The following ABHD13 variants were observed in gnomAD, a reference collection of about 807,000 sequenced individuals.
ABHD13 encodes protein ABHD13.
Under a neutral mutation model 25.2 loss-of-function variants are expected in ABHD13, and 7 were observed. The ratio of observed to expected loss-of-function variants is 0.28; its 90% confidence interval spans 0.16 to 0.52. The LOEUF (loss-of-function observed/expected upper bound fraction) is 0.52, where lower values mean the gene tolerates loss of function less well. ABHD13 is among the 20% of genes least tolerant of loss of function. ABHD13 has a pLI of 0.96. For missense variants in ABHD13, 302 were observed against 402.7 expected, an observed-to-expected ratio of 0.75 and a Z score of 2.14; for synonymous variants, 133 against 136.1, an observed-to-expected ratio of 0.98 and a Z score of 0.16.
rs1879792775 is a variant in ABHD13 at position 108,231,042 on chromosome 13, A to G, written c.*810A>G. ...ATTTGTAACTTTGGTGGCAAAGAGA[A>G]TTTTAGCTTCTATCGATTTTGTAAG... On this transcript the variant is annotated 3_prime_UTR_variant, in exon 2 of 2. Transcript: ENST00000375898. The G allele has an allele frequency of 6.0e-6, 1 of 166,790 alleles. No individual in the cohort carries two copies. Among genetic ancestry groups the G allele is most frequent in the Admixed American group, 6.6e-5 (1 of 15,222 alleles). 10.3% of individuals were successfully genotyped at this position (166,790 alleles called of 1,614,324 possible).
chr13:108,228,597 T>A lies in ABHD13; in HGVS notation c.-20-602T>A, dbSNP rs117403188. 7.4e-4 allele frequency among the ~76,000 whole-genome samples: 112 copies of A among 152,008 alleles called. 1 individual carries two copies. In the East Asian group the frequency reaches 0.021, roughly 29 times the overall value. On this transcript the variant is annotated intron_variant, in intron 1 of 1. Coordinates refer to ENST00000375898, the MANE Select transcript of ABHD13 (RefSeq NM_032859.3). ...TTATTCTTTCTTTCCCTAGTTGTTT[T>A]TTTTTGTTTTATTTTGTTTTGCCCA...
chr13:108,224,765 C>CT (rs1332956963), intron 1 of ABHD13, among the ~76,000 whole-genome samples: 2 of 152,106 alleles, frequency 1.3e-5, no homozygotes, highest in African/African-American at 4.8e-5. Context: ...GTAGGGAGCA[C>CT]TAGAGGTGAC....
At chr13:108,228,276 T>G (rs187300021) in intron 1 of ABHD13, among the ~76,000 whole-genome samples, 475 of 151,796 alleles carry the variant, frequency 3.1e-3, no homozygotes, top group African/African-American at 0.011. Context: ...TTTACTTTAT[T>G]TATCTCTGTT....
intron 1 of ABHD13, among the ~76,000 whole-genome samples, chr13:108,227,372 A>G (rs571612837): frequency 8.5e-5 from 13 of 152,234 alleles, no homozygotes; most frequent in Admixed American, 5.9e-4. Flanking sequence ...TAGAGATGCA[A>G]TAGTGAAAAA....
intron 1 of ABHD13, among the ~76,000 whole-genome samples, chr13:108,226,613 C>G (rs1879677728): frequency 6.6e-6 from 1 of 152,082 alleles, no homozygotes; most frequent in Non-Finnish European, 1.5e-5. Context: ...TTGACAAAAT[C>G]AATAGAAAAC....
chr13:108,229,950 A>G lies in ABHD13; in HGVS notation c.732A>G (p.Lys244=). Residue 244 remains lysine (K), a synonymous_variant, in exon 2 of 2, where the codon AAA becomes AAG. Transcript: ENST00000375898. This position sits in a 1 kb window ranked among gnomAD's most constrained non-coding sequence, Gnocchi z 4.7. ...PMRYLPLWCY[K]NKFLSYRKIS... ...GTTACCTTCCTTTATGGTGCTACAAAAATAAATTTTTGTCCTACAGAAAAA... is the reference window on the plus strand; with the variant it reads ...GTTACCTTCCTTTATGGTGCTACAAGAATAAATTTTTGTCCTACAGAAAAA... 6.2e-7 allele frequency: 1 copy of G among 1,613,272 alleles called. No individual in the cohort carries two copies. Among genetic ancestry groups the G allele is most frequent in the Non-Finnish European group, 8.5e-7 (1 of 1,179,452 alleles).
chr13:108,226,432 A>G (rs1475586940), intron 1 of ABHD13, among the ~76,000 whole-genome samples: 7 of 152,184 alleles, frequency 4.6e-5, no homozygotes, highest in Non-Finnish European at 1.0e-4. Context: ...CTCTCAGTCC[A>G]GATGTAGCTC....
chr13:108,232,064 A>C lies in ABHD13; in HGVS notation c.*1832A>C, dbSNP rs1879816732. The stretch of plus-strand genomic sequence containing the variant: ...ACAACAAAATGTATATTTAGACACG[A>C]GCTTACATGGCATACCTTATATTTG... On this transcript the variant is annotated 3_prime_UTR_variant, in exon 2 of 2. Transcript: ENST00000375898. 2 of 166,546 alleles carry C rather than the reference A, an allele frequency of 1.2e-5. No homozygotes were observed. 10.3% of individuals were successfully genotyped at this position (166,546 alleles called of 1,614,324 possible).
Position 108,230,913 on chromosome 13 carries a change from C to G in ABHD13, c.*681C>G, listed in dbSNP as rs1879790088. On this transcript the variant is annotated 3_prime_UTR_variant, in exon 2 of 2. Transcript: ENST00000375898. ...ATAAATGGGACCCTGTTTTCCAATACAAATGTACCGTGTTTTTGTTAGGTA... is the reference window on the plus strand; with the variant it reads ...ATAAATGGGACCCTGTTTTCCAATAGAAATGTACCGTGTTTTTGTTAGGTA... 6.0e-6 allele frequency: 1 copy of G among 166,824 alleles called. No homozygotes were observed. Among genetic ancestry groups the G allele is most frequent in the Admixed American group, 6.6e-5 (1 of 15,232 alleles). 10.3% of individuals were successfully genotyped at this position (166,824 alleles called of 1,614,324 possible). A position where few individuals can be genotyped will look rare whatever the true frequency, so the allele number is the denominator to read the frequency against.
rs1011213824 is a variant in ABHD13, at chr13:108,229,118, G to A, written c.-20-81G>A. ...ATATTTAACAATTACATGTGGCCTA[G>A]TACCATAGTTTATTATATTGTGGAT... On this transcript the variant is annotated intron_variant, in intron 1 of 1. Coordinates refer to ENST00000375898, the MANE Select transcript of ABHD13 (RefSeq NM_032859.3). The surrounding 1 kb of genome is among the most constrained non-coding windows in gnomAD (Gnocchi z 4.7). 1 of 1,098,002 alleles carries A rather than the reference G, an allele frequency of 9.1e-7. No individual in the cohort carries two copies. The highest frequency in any genetic ancestry group is 2.5e-5 in the East Asian group (1 of 40,376). The allele number at this position is 1,098,002 out of a possible 1,614,324, so 68.0% of individuals were successfully genotyped here.
chr13:108,223,710 T>C (rs953464710), intron 1 of ABHD13, among the ~76,000 whole-genome samples: 3 of 152,220 alleles, frequency 2.0e-5, no homozygotes, highest in Admixed American at 1.3e-4. Flanking sequence ...TTTAGTATTA[T>C]TATGAGCATA....
In ABHD13 at chr13:108,227,717, T is replaced by C. The variant is rs369297746; in HGVS notation, c.-20-1482T>C. On this transcript the variant is annotated intron_variant, in intron 1 of 1. Coordinates refer to ENST00000375898, the MANE Select transcript of ABHD13 (RefSeq NM_032859.3). ...GAATGATCTCATTATTAATCTTACT[T>C]GATACTAATGACCAGCCTCATAGGT... is the stretch of plus-strand genomic sequence containing the variant. Among the ~76,000 whole-genome samples the C allele has an allele frequency of 8.5e-5, 13 of 152,154 alleles. No homozygotes were observed. The East Asian group carries it at 2.5e-3, about 29-fold the overall frequency.
rs1158136231 is a variant in ABHD13, at chr13:108,232,245, T to G, written c.*2013T>G. Reference sequence around the variant, plus strand: ...TTTGCTTTTATGCTGCTTTTTCTTTTTGATACTCCAGGTTTATAAACTATC... The same window carrying G: ...TTTGCTTTTATGCTGCTTTTTCTTTGTGATACTCCAGGTTTATAAACTATC... On this transcript the variant is annotated 3_prime_UTR_variant, in exon 2 of 2. Transcript: ENST00000375898. 1 of 166,936 alleles carries G rather than the reference T, an allele frequency of 6.0e-6. No homozygotes were observed. The highest frequency in any genetic ancestry group is 2.4e-5 in the African/African-American group (1 of 41,446). 10.3% of individuals were successfully genotyped at this position (166,936 alleles called of 1,614,324 possible).
intron 1 of ABHD13, among the ~76,000 whole-genome samples, chr13:108,226,760 CT>C (rs1879682355): frequency 6.6e-6 from 1 of 152,060 alleles, no homozygotes; most frequent in Non-Finnish European, 1.5e-5. Flanking sequence ...TTTGCTGATA[CT>C]TTCAGCAAAT....
At chr13:108,224,309 A>G (rs1043261373) in intron 1 of ABHD13, among the ~76,000 whole-genome samples, 12 of 152,308 alleles carry the variant, frequency 7.9e-5, no homozygotes, top group African/African-American at 9.6e-5. Context: ...AGGACTGTAT[A>G]GTATACTAGG....
chr13:108,219,016 C>G (rs1252085931), intron 1 of ABHD13, among the ~76,000 whole-genome samples: 1 of 152,142 alleles, frequency 6.6e-6, no homozygotes, highest in Non-Finnish European at 1.5e-5. Context: ...TCTTAGTGTT[C>G]TATGTCAATT....
intron 1 of ABHD13, among the ~76,000 whole-genome samples, chr13:108,222,310 C>T (rs1879585884): frequency 2.0e-5 from 3 of 151,962 alleles, no homozygotes; most frequent in Non-Finnish European, 4.4e-5. Flanking sequence ...AATGTATTTA[C>T]TCCTATACTT....
intron 1 of ABHD13, among the ~76,000 whole-genome samples, chr13:108,228,282 C>T (rs1229613148): frequency 6.6e-6 from 1 of 151,804 alleles, no homozygotes; most frequent in Non-Finnish European, 1.5e-5. Context: ...TTATTTATCT[C>T]TGTTTCTCAG....
At chr13:108,219,135 G>A (rs1374648281) in intron 1 of ABHD13, among the ~76,000 whole-genome samples, 2 of 152,076 alleles carry the variant, frequency 1.3e-5, no homozygotes, top group East Asian at 1.9e-4. Flanking sequence ...CAGCTACTAG[G>A]TTGGAGAGAG....
Sources: gnomAD v4.1 joint callset for allele counts (sites outside exome capture counted in the v4.1 genomes callset) on GRCh38, gnomAD v4.1.1 for gene constraint, Gnocchi (gnomAD v3.1) non-coding constraint, MANE v1.5 for transcripts, NCBI Gene and HGNC (gene_info 2026-07-23, HGNC 2026-07-21) for gene names.